The following GALNT13 variants were observed in gnomAD, a reference collection of about 807,000 sequenced individuals.
GALNT13 encodes the protein UDP-GalNAc:polypeptide N-acetylgalactosaminyltransferase 13.
GALNT13 carries 28 observed loss-of-function variants against 64.2 expected under a neutral mutation model. The observed-to-expected ratio is 0.44, with a 90% CI of 0.32 to 0.60. The LOEUF is 0.60. Ranked by LOEUF, GALNT13 falls within the 20% of genes least tolerant of loss-of-function variation. GALNT13 has a pLI of 0.05. For synonymous variants in GALNT13, 214 were observed against 224.6 expected (o/e 0.95, Z 0.42); for missense variants, 577 against 669.8 (o/e 0.86, Z 1.53).
chr2:154,358,280 A>T (rs1190917867), intron 9 of GALNT13, among the ~76,000 whole-genome samples: 1 of 152,060 alleles, frequency 6.6e-6, no homozygotes, highest in Non-Finnish European at 1.5e-5. Flanking sequence ...AAGTGTTGTC[A>T]TTTTTTATAA....
chr2:153,299,124 T>A, the GALNT13 span, among the ~76,000 whole-genome samples: 1 of 152,204 alleles, frequency 6.6e-6, no homozygotes, highest in Non-Finnish European at 1.5e-5. Flanking sequence ...TTCTTTTGTA[T>A]TTTATGTGAC....
the GALNT13 span, among the ~76,000 whole-genome samples, chr2:153,300,884 TAATC>T: frequency 6.6e-6 from 1 of 152,196 alleles, no homozygotes; most frequent in Non-Finnish European, 1.5e-5. Context: ...AATTTTGAAA[TAATC>T]AATCTTATGA....
the GALNT13 span, among the ~76,000 whole-genome samples, chr2:153,091,266 G>A: frequency 2.6e-5 from 4 of 151,948 alleles, no homozygotes; most frequent in Non-Finnish European, 4.4e-5. Flanking sequence ...AGCTTCCCTG[G>A]GCTCAAGCTG....
chr2:153,477,982 G>C, the GALNT13 span: 1 of 526,024 alleles, frequency 1.9e-6, no homozygotes, highest in Admixed American at 3.3e-5. Context: ...AGCTTCCAAA[G>C]TTCTGCGCCC....
intron 4 of GALNT13, among the ~76,000 whole-genome samples, chr2:154,146,057 A>G (rs1006182082): frequency 1.3e-5 from 2 of 151,730 alleles, no homozygotes; most frequent in Admixed American, 6.6e-5. Flanking sequence ...CATGTGTAGA[A>G]TTAATTTCAC....
At chr2:153,196,508 C>T in the GALNT13 span, among the ~76,000 whole-genome samples, 3 of 152,126 alleles carry the variant, frequency 2.0e-5, no homozygotes, top group Admixed American at 6.5e-5. Flanking sequence ...GTCGACACTC[C>T]CAAGCCTGTG....
chr2:153,879,648 C>T (rs928337167), intron 1 of GALNT13, among the ~76,000 whole-genome samples: 1 of 151,956 alleles, frequency 6.6e-6, no homozygotes, highest in Admixed American at 6.6e-5. Flanking sequence ...ACTGGGATTA[C>T]AGGCATGAGC....
chr2:154,178,687 G>A (rs1034052734), intron 4 of GALNT13, among the ~76,000 whole-genome samples: 1 of 151,976 alleles, frequency 6.6e-6, no homozygotes, highest in African/African-American at 2.4e-5. Flanking sequence ...CAGTTCCATT[G>A]TCCTCATCAT....
intron 11 of GALNT13, among the ~76,000 whole-genome samples, chr2:154,420,783 G>A: frequency 6.6e-6 from 1 of 151,970 alleles, no homozygotes; most frequent in Admixed American, 6.6e-5. Flanking sequence ...GTAAAAGTCA[G>A]TTTATTATTT....
At chr2:154,145,102 A>ATC (rs754588661) in intron 4 of GALNT13, among the ~76,000 whole-genome samples, 2,398 of 124,074 alleles carry the variant, frequency 0.019, 25 homozygotes, top group Non-Finnish European at 0.024. Context: ...CTATCTATCT[A>ATC]TATATATATA....
chr2:154,206,452 T>C (rs1175869039), intron 4 of GALNT13, among the ~76,000 whole-genome samples: 1 of 152,088 alleles, frequency 6.6e-6, no homozygotes, highest in Non-Finnish European at 1.5e-5. Context: ...CTTACAAATA[T>C]TTACCTAGTA....
the GALNT13 span, among the ~76,000 whole-genome samples, chr2:153,543,141 G>C: frequency 6.6e-6 from 1 of 152,160 alleles, no homozygotes; most frequent in East Asian, 1.9e-4. Flanking sequence ...ATAATCTGTT[G>C]AGTGGAAATA....
chr2:154,357,106 C>T (rs1527865), intron 9 of GALNT13, among the ~76,000 whole-genome samples: 101,818 of 151,734 alleles, frequency 0.67, 34,872 homozygotes, highest in East Asian at 0.78. Flanking sequence ...TTTGTACCTC[C>T]TGCTTGCAAT....
chr2:154,033,406 A>C (rs928797333), intron 3 of GALNT13, among the ~76,000 whole-genome samples: 2 of 152,120 alleles, frequency 1.3e-5, no homozygotes, highest in Non-Finnish European at 2.9e-5. Flanking sequence ...CATATTTTCA[A>C]GTCAATTAAT....
the GALNT13 span, among the ~76,000 whole-genome samples, chr2:153,114,388 G>A: frequency 6.6e-6 from 1 of 152,128 alleles, no homozygotes; most frequent in Non-Finnish European, 1.5e-5. Context: ...TTTCGCTAGA[G>A]AAGACGTCAG....
the GALNT13 span, among the ~76,000 whole-genome samples, chr2:153,676,709 AAGGATGG>A: frequency 6.6e-6 from 1 of 152,262 alleles, no homozygotes; most frequent in Middle Eastern, 3.4e-3. Context: ...CCATGGATGC[AAGGATGG>A]TTCAACATAT....
the GALNT13 span, among the ~76,000 whole-genome samples, chr2:153,739,890 G>T: frequency 1.3e-5 from 2 of 151,598 alleles, no homozygotes; most frequent in Non-Finnish European, 3.0e-5. Flanking sequence ...TTCTAATGCA[G>T]TTTGAGTTAT....
the GALNT13 span, among the ~76,000 whole-genome samples, chr2:153,125,466 G>A: frequency 2.6e-5 from 4 of 152,192 alleles, no homozygotes; most frequent in African/African-American, 7.2e-5. Flanking sequence ...GTCTGAGAGC[G>A]TTAATGGAAG....
At chr2:153,717,523 G>C in the GALNT13 span, among the ~76,000 whole-genome samples, 1 of 152,100 alleles carries the variant, frequency 6.6e-6, no homozygotes. Flanking sequence ...CTTGTACATG[G>C]TATTATGTAG....
Sources: allele counts gnomAD v4.1 joint callset (sites outside exome capture counted in the v4.1 genomes callset), GRCh38; gene constraint gnomAD v4.1.1; transcripts MANE v1.5; gene names NCBI Gene and HGNC (gene_info 2026-07-23, HGNC 2026-07-21).